Variants in HSD17B12 observed in about 807,000 individuals in gnomAD.
HSD17B12 encodes very-long-chain 3-oxoacyl-CoA reductase.
In HSD17B12, 32 loss-of-function variants were observed where a neutral mutation model predicts 39.3. That is an observed-to-expected ratio of 0.81 (90% CI 0.61 to 1.09). The LOEUF (loss-of-function observed/expected upper bound fraction) is 1.09. Among genes scored for constraint, HSD17B12 ranks in the 50% least tolerant of loss-of-function variants. The pLI is 0.00. For missense variants in HSD17B12, 342 were observed against 382.9 expected, an observed-to-expected ratio of 0.89 and a Z score of 0.89; for synonymous variants, 150 against 146.7, an observed-to-expected ratio of 1.02 and a Z score of -0.16.
intron 1 of HSD17B12, chr11:43,734,264 C>A: frequency 7.6e-7 from 1 of 1,311,530 alleles, no homozygotes; most frequent in Non-Finnish European, 1.1e-6. Context: ...GTCCTTGACA[C>A]ATCTGACTTT....
At chr11:43,722,117 A>G (rs1025932258) in intron 1 of HSD17B12, among the ~76,000 whole-genome samples, 13 of 152,200 alleles carry the variant, frequency 8.5e-5, no homozygotes, top group South Asian at 2.1e-4. Flanking sequence ...GGCTTGAGCA[A>G]CTGAATAAAT....
chr11:43,808,531 A>C (rs1316686617), intron 4 of HSD17B12, among the ~76,000 whole-genome samples: 2 of 152,214 alleles, frequency 1.3e-5, no homozygotes, highest in Admixed American at 1.3e-4. Flanking sequence ...ATGTAAATAG[A>C]ACTGTAAGTC....
At chr11:43,602,186 T>A in the HSD17B12 span, among the ~76,000 whole-genome samples, 1 of 152,224 alleles carries the variant, frequency 6.6e-6, no homozygotes, top group Admixed American at 6.5e-5. Flanking sequence ...GATCTACAGT[T>A]TAAAATTTTT....
chr11:43,776,763 A>G (rs965845651), intron 3 of HSD17B12, among the ~76,000 whole-genome samples: 2 of 152,098 alleles, frequency 1.3e-5, no homozygotes, highest in African/African-American at 2.4e-5. Context: ...TCTTTAATCC[A>G]TCTTGAATTG....
chr11:43,715,014 G>T (rs1412563206), intron 1 of HSD17B12, among the ~76,000 whole-genome samples: 2 of 152,122 alleles, frequency 1.3e-5, no homozygotes, highest in Non-Finnish European at 2.9e-5. Flanking sequence ...TCAGCTTAAG[G>T]AGATTTTGGG....
At chr11:43,667,543 TC>T in the HSD17B12 span, among the ~76,000 whole-genome samples, 2 of 152,184 alleles carry the variant, frequency 1.3e-5, no homozygotes, top group Non-Finnish European at 2.9e-5. Context: ...TGAATACGGA[TC>T]GGGTATCCTT....
chr11:43,564,013 A>T, the HSD17B12 span, among the ~76,000 whole-genome samples: 1 of 151,974 alleles, frequency 6.6e-6, no homozygotes, highest in Non-Finnish European at 1.5e-5. Flanking sequence ...AGATAGGTGC[A>T]CGCCACCATG....
the HSD17B12 span, among the ~76,000 whole-genome samples, chr11:43,623,746 T>C: frequency 6.6e-6 from 1 of 151,924 alleles, no homozygotes; most frequent in African/African-American, 2.4e-5. Flanking sequence ...ATTAAGAAGA[T>C]TGGTGGTGAG....
chr11:43,613,675 T>G, the HSD17B12 span, among the ~76,000 whole-genome samples: 4,540 of 152,134 alleles, frequency 0.03, 243 homozygotes, highest in African/African-American at 0.1. Flanking sequence ...CCATGAATTT[T>G]TTTTTTTTTG....
the HSD17B12 span, among the ~76,000 whole-genome samples, chr11:43,603,441 C>A: frequency 9.9e-5 from 15 of 152,034 alleles, no homozygotes; most frequent in African/African-American, 3.6e-4. Context: ...GGTTGAGGTT[C>A]TGCATTTTTT....
At chr11:43,643,741 C>T in the HSD17B12 span, among the ~76,000 whole-genome samples, 1 of 152,140 alleles carries the variant, frequency 6.6e-6, no homozygotes, top group Non-Finnish European at 1.5e-5. Context: ...AGATGTAGAA[C>T]ATTGTGGGCA....
At chr11:43,738,043 C>A (rs562241300) in intron 1 of HSD17B12, among the ~76,000 whole-genome samples, 1 of 143,136 alleles carries the variant, frequency 7.0e-6, no homozygotes, top group South Asian at 2.3e-4. Context: ...GGCGACAGAG[C>A]CAGACTCTGT....
intron 1 of HSD17B12, among the ~76,000 whole-genome samples, chr11:43,741,282 T>C (rs537114421): frequency 1.3e-5 from 2 of 152,208 alleles, no homozygotes; most frequent in African/African-American, 2.4e-5. Context: ...AGTAATCAAG[T>C]AATCAAGTTT....
the HSD17B12 span, among the ~76,000 whole-genome samples, chr11:43,606,234 C>T: frequency 5.3e-5 from 8 of 152,226 alleles, no homozygotes; most frequent in African/African-American, 1.9e-4. Context: ...CATATCGTTA[C>T]AATCCAAGCA....
chr11:43,582,179 G>T, the HSD17B12 span, among the ~76,000 whole-genome samples: 1 of 152,204 alleles, frequency 6.6e-6, no homozygotes, highest in East Asian at 1.9e-4. Context: ...TAGCACGGAA[G>T]GGGGTAAAAC....
At chr11:43,651,696 T>C in the HSD17B12 span, among the ~76,000 whole-genome samples, 2 of 152,308 alleles carry the variant, frequency 1.3e-5, no homozygotes, top group African/African-American at 4.8e-5. Context: ...TTCCTGTGCT[T>C]CGGCCTCCCC....
chr11:43,682,562 A>C (rs1364403497), intron 1 of HSD17B12, among the ~76,000 whole-genome samples: 2 of 151,752 alleles, frequency 1.3e-5, no homozygotes, highest in South Asian at 2.1e-4. Flanking sequence ...AAAAAAAAAA[A>C]AAAACAGAAA....
chr11:43,803,613 C>T (rs917111063), intron 4 of HSD17B12, among the ~76,000 whole-genome samples: 1 of 151,996 alleles, frequency 6.6e-6, no homozygotes, highest in Admixed American at 6.6e-5. Context: ...TTCAGAATTA[C>T]AAAGGAAAAT....
At chr11:43,742,113 A>G in intron 1 of HSD17B12, among the ~76,000 whole-genome samples, 1 of 62,544 alleles carries the variant, frequency 1.6e-5, no homozygotes, top group Admixed American at 1.3e-4. Flanking sequence ...GGCAAAGGAA[A>G]TATATATATA....
Sources: gnomAD v4.1 joint callset for allele counts (sites outside exome capture counted in the v4.1 genomes callset) on GRCh38, gnomAD v4.1.1 for gene constraint, MANE v1.5 for transcripts, NCBI Gene and HGNC (gene_info 2026-07-23, HGNC 2026-07-21) for gene names.